KNTC1: variants seen among roughly 807,000 people sequenced by gnomAD.
KNTC1 encodes the protein kinetochore-associated protein 1.
Under a neutral mutation model 314.4 loss-of-function variants are expected in KNTC1, and 253 were observed. The observed-to-expected ratio is 0.80, with a 90% CI of 0.73 to 0.89. The LOEUF (loss-of-function observed/expected upper bound fraction) is 0.89, where lower values mean the gene tolerates loss of function less well. Ranked by LOEUF, KNTC1 falls within the 40% of genes least tolerant of loss-of-function variation. The probability of loss-of-function intolerance (pLI) is 0.00; values close to 1 mark genes in which losing one functional copy is unlikely to be tolerated. For missense variants in KNTC1, 2,475 were observed against 2,572.9 expected (o/e 0.96, Z 0.82); for synonymous variants, 901 against 901.4 (o/e 1.00, Z 0.01).
intron 43 of KNTC1, among the ~76,000 whole-genome samples, chr12:122,595,866 GTAT>G (rs948096673): frequency 3.3e-5 from 5 of 152,150 alleles, no homozygotes; most frequent in African/African-American, 1.2e-4. Context: ...TTGATGATTT[GTAT>G]TCATATGATA....
At chr12:122,564,230 G>A (rs949323408) in intron 20 of KNTC1, among the ~76,000 whole-genome samples, 1 of 152,012 alleles carries the variant, frequency 6.6e-6, no homozygotes, top group Non-Finnish European at 1.5e-5. Context: ...ACCCACCTCG[G>A]CTTCCCAAAG....
At chr12:122,622,354 GA>G (rs1259994627) in intron 61 of KNTC1, 107 bp from the exon 62 acceptor site, 1 of 1,052,124 alleles carries the variant, frequency 9.5e-7, no homozygotes, top group Non-Finnish European at 1.4e-6. Context: ...CCGATTGTCA[GA>G]AATGTTTTGA....
chr12:122,563,815 C>T, intron 20 of KNTC1: 2 of 1,465,288 alleles, frequency 1.4e-6, no homozygotes, highest in Non-Finnish European at 1.8e-6. Context: ...TCAGCTTCAG[C>T]AGGAGGCAAA....
chr12:122,595,219 C>A (rs11058868), intron 43 of KNTC1, among the ~76,000 whole-genome samples: 49,722 of 152,100 alleles, frequency 0.33, 9,554 homozygotes, highest in African/African-American at 0.53. Flanking sequence ...TTATAGATTC[C>A]GCTGACTTTG....
chr12:122,586,807 TTTA>T (rs1869392542), intron 38 of KNTC1, 50 bp downstream of exon 38: 9 of 581,218 alleles, frequency 1.5e-5, no homozygotes, highest in South Asian at 5.1e-5. Flanking sequence ...TATTTATTTA[TTTA>T]TTTATTTATT....
intron 5 of KNTC1, among the ~76,000 whole-genome samples, chr12:122,540,087 A>T (rs1962174924): frequency 6.6e-6 from 1 of 151,810 alleles, no homozygotes; most frequent in South Asian, 2.1e-4. Flanking sequence ...CCCAGCCTGA[A>T]TGACTTCTGA....
At chr12:122,568,197 C>T (rs1036475744) in intron 20 of KNTC1, 64 bp from the exon 21 acceptor site, 12 of 740,426 alleles carry the variant, frequency 1.6e-5, no homozygotes, top group Non-Finnish European at 2.5e-5. Flanking sequence ...AAAGATAATC[C>T]ACTTAAAAGG....
intron 27 of KNTC1, among the ~76,000 whole-genome samples, chr12:122,575,088 G>A (rs948635570): frequency 6.6e-6 from 1 of 152,012 alleles, no homozygotes; most frequent in Admixed American, 6.6e-5. Flanking sequence ...TGGTGGAACC[G>A]CATCTCTACA....
At chr12:122,585,404 C>G (rs953997413) in intron 36 of KNTC1, among the ~76,000 whole-genome samples, 2 of 152,146 alleles carry the variant, frequency 1.3e-5, no homozygotes, top group African/African-American at 4.8e-5. Flanking sequence ...TTTTCTTACC[C>G]TAGACCGGAA....
At chr12:122,546,412 A>G in intron 9 of KNTC1, 143 bp downstream of exon 9, 1 of 666,094 alleles carries the variant, frequency 1.5e-6, no homozygotes, top group Non-Finnish European at 2.6e-6. Flanking sequence ...GTTCACATAC[A>G]GAACAGTTCT....
intron 24 of KNTC1, among the ~76,000 whole-genome samples, chr12:122,571,428 T>C (rs1008189407): frequency 2.6e-5 from 4 of 151,916 alleles, no homozygotes; most frequent in African/African-American, 9.7e-5. Context: ...GGTGCAACCA[T>C]GGCTCACTGC....
chr12:122,572,575 A>T (rs948027797), intron 24 of KNTC1, among the ~76,000 whole-genome samples: 1 of 152,114 alleles, frequency 6.6e-6, no homozygotes, highest in South Asian at 2.1e-4. Context: ...TTCTTTTTAT[A>T]TAATTTTAGG....
At chr12:122,534,808 G>A (rs371515417) in intron 3 of KNTC1, 24 bp downstream of exon 3, 1 of 1,602,614 alleles carries the variant, frequency 6.2e-7, no homozygotes, top group South Asian at 1.1e-5. Context: ...AGTGAATGAA[G>A]TAAGATAAAT....
intron 18 of KNTC1, among the ~76,000 whole-genome samples, chr12:122,561,307 C>A (rs1018783424): frequency 6.6e-6 from 1 of 150,882 alleles, no homozygotes; most frequent in Admixed American, 6.6e-5. Flanking sequence ...AGAGCAAGAC[C>A]CTATCTCAAA....
At chr12:122,596,316 C>A (rs1302107503) in intron 43 of KNTC1, among the ~76,000 whole-genome samples, 1 of 151,838 alleles carries the variant, frequency 6.6e-6, no homozygotes, top group African/African-American at 2.4e-5. Context: ...CTCCTGAGCT[C>A]AGGCAATCCA....
At position 122,550,287 on chromosome 12, in the gene KNTC1, G is replaced by C. The variant is rs147508827; in HGVS notation, c.1086+423G>C. ...GGAAATTACTTGTAGACATCATGCT[G>C]TCACGCCTAAATCTTCAGCAGGTAT... On this transcript the variant is annotated intron_variant, in intron 13 of 63. Transcript: ENST00000333479. 1.9e-4 allele frequency among the ~76,000 whole-genome samples: 29 copies of C among 152,052 alleles called. No homozygotes were observed. The East Asian group carries it at 3.3e-3, about 17-fold the overall frequency.
Position 122,574,398 on chromosome 12 carries a change from A to G in KNTC1, c.2382+18A>G, listed in dbSNP as rs1422745048. 2.9e-6 allele frequency: 4 copies of G among 1,399,900 alleles called. No individual in the cohort carries two copies. Among genetic ancestry groups the G allele is most frequent in the Non-Finnish European group, 4.0e-6 (4 of 1,005,446 alleles). 86.7% of individuals were successfully genotyped at this position (1,399,900 alleles called of 1,614,324 possible). Reference sequence around the variant, plus strand: ...ACACGGACGTAAGTAAATAGTGACCATTTGCGTTTCCCTTTTGAGCATTAA... The same window carrying G: ...ACACGGACGTAAGTAAATAGTGACCGTTTGCGTTTCCCTTTTGAGCATTAA... On this transcript the variant is annotated intron_variant, in intron 27 of 63. Transcript: ENST00000333479.
rs765687281 is a variant in KNTC1, at chr12:122,557,486, A to G, written c.1375A>G (p.Lys459Glu). Residue 459 changes from lysine (K) to glutamate (E), a missense_variant, in exon 17 of 64, where the codon AAG becomes GAG. By Grantham distance (56) the Lys-to-Glu change is moderately conservative. Transcript: ENST00000333479. ...TEWQQLVDDAKENLHKIQDDE... is the reference protein window; with the variant it reads ...TEWQQLVDDAEENLHKIQDDE... ...ATGGCAACAACTTGTAGACGACGCTAAGGAAAATCTACATAAGATCCAGGT... is the reference window on the plus strand; with the variant it reads ...ATGGCAACAACTTGTAGACGACGCTGAGGAAAATCTACATAAGATCCAGGT... 3.1e-6 allele frequency: 5 copies of G among 1,613,836 alleles called. No homozygotes were observed. Among genetic ancestry groups the G allele is most frequent in the Non-Finnish European group, 3.4e-6 (4 of 1,179,804 alleles).
chr12:122,585,628 G>A lies in KNTC1; in HGVS notation c.3535-8G>A, dbSNP rs1351036994. 3 of 1,613,278 alleles carry A rather than the reference G, an allele frequency of 1.9e-6. No homozygotes were observed. Among genetic ancestry groups the A allele is most frequent in the Non-Finnish European group, 2.5e-6 (3 of 1,179,640 alleles). ...AGTTCTCTCTTTTTTGTATGATTTG[G>A]CACCTAGGCTTCTTTTGGGACACAT... On this transcript the variant is annotated splice_polypyrimidine_tract_variant and splice_region_variant and intron_variant, in intron 36 of 63. Coordinates refer to ENST00000333479, the MANE Select transcript of KNTC1 (RefSeq NM_014708.6).
Sources: allele counts gnomAD v4.1 joint callset (sites outside exome capture counted in the v4.1 genomes callset), GRCh38; gene constraint gnomAD v4.1.1; transcripts MANE v1.5; gene names NCBI Gene and HGNC (gene_info 2026-07-23, HGNC 2026-07-21).